The following C4orf36 variants were observed in gnomAD, a reference collection of about 807,000 sequenced individuals.
C4orf36 encodes the protein chromosome 4 open reading frame 36.
Under a neutral mutation model 12.2 loss-of-function variants are expected in C4orf36, and 11 were observed. The observed-to-expected ratio is 0.90, with a 90% CI of 0.57 to 1.49. The LOEUF is 1.49. C4orf36 is among the 40% of genes most tolerant of loss of function. The probability of loss-of-function intolerance (pLI) is 0.00; values close to 1 mark genes in which losing one functional copy is unlikely to be tolerated. For missense variants in C4orf36, 137 were observed against 133.9 expected (o/e 1.02, Z -0.11); for synonymous variants, 54 against 51.3 (o/e 1.05, Z -0.22).
the C4orf36 span, among the ~76,000 whole-genome samples, chr4:86,927,566 G>A: frequency 6.6e-6 from 1 of 152,116 alleles, no homozygotes; most frequent in Non-Finnish European, 1.5e-5. Context: ...AGGCCGAGGC[G>A]GGTGGATCAT....
chr4:86,906,322 A>C, the C4orf36 span, among the ~76,000 whole-genome samples: 4 of 152,208 alleles, frequency 2.6e-5, no homozygotes, highest in Non-Finnish European at 4.4e-5. Flanking sequence ...TACTTCTCAG[A>C]GGAAGCTCTC....
upstream of C4orf36, among the ~76,000 whole-genome samples, chr4:86,894,457 G>A (rs1671282875): frequency 6.6e-6 from 1 of 152,136 alleles, no homozygotes. Context: ...GAAGTTATTT[G>A]AGGTTATATC....
the C4orf36 span, chr4:86,934,445 C>T: frequency 1.3e-5 from 2 of 152,174 alleles, no homozygotes; most frequent in African/African-American, 4.8e-5. Flanking sequence ...ACCTGGTTTC[C>T]CATGCCACTT....
chr4:86,934,861 A>G, the C4orf36 span: 8 of 152,008 alleles, frequency 5.3e-5, no homozygotes, highest in Non-Finnish European at 1.0e-4. Context: ...GAGGGCCGCG[A>G]CGTCCCTTGC....
At chr4:86,893,294 C>G (rs1488295705), upstream of C4orf36, among the ~76,000 whole-genome samples, 1 of 152,128 alleles carries the variant, frequency 6.6e-6, no homozygotes, top group African/African-American at 2.4e-5. Flanking sequence ...GGGCCAGGCA[C>G]GGTGGATGGG....
At chr4:86,893,990 G>A (rs1047343696), upstream of C4orf36, among the ~76,000 whole-genome samples, 22 of 151,392 alleles carry the variant, frequency 1.5e-4, no homozygotes, top group African/African-American at 4.9e-4. Flanking sequence ...TCTGCCTCCC[G>A]GGTTCACGCC....
the C4orf36 span, among the ~76,000 whole-genome samples, chr4:86,910,315 G>A: frequency 2.6e-5 from 4 of 152,130 alleles, no homozygotes; most frequent in Non-Finnish European, 1.5e-5. Context: ...AGGAGGCTGA[G>A]GCAGGAGAAT....
upstream of C4orf36, among the ~76,000 whole-genome samples, chr4:86,894,175 G>A (rs1747540318): frequency 1.3e-5 from 2 of 152,124 alleles, no homozygotes. Flanking sequence ...GGGATTATAG[G>A]CGTGAGCCAC....
the C4orf36 span, among the ~76,000 whole-genome samples, chr4:86,898,974 C>A: frequency 2.6e-5 from 4 of 152,032 alleles, no homozygotes; most frequent in Non-Finnish European, 5.9e-5. Flanking sequence ...ACCTGTAATC[C>A]CAGCACTTTG....
the C4orf36 span, among the ~76,000 whole-genome samples, chr4:86,917,730 A>G: frequency 6.6e-6 from 1 of 152,190 alleles, no homozygotes; most frequent in Non-Finnish European, 1.5e-5. Flanking sequence ...TGATTTTGTC[A>G]CTGTGAACAT....
the C4orf36 span, among the ~76,000 whole-genome samples, chr4:86,932,772 G>C: frequency 1.6e-5 from 2 of 124,424 alleles, no homozygotes; most frequent in African/African-American, 3.0e-5. Flanking sequence ...ATTTGGGGGG[G>C]TGGGGGGGTT....
the C4orf36 span, among the ~76,000 whole-genome samples, chr4:86,910,836 C>T: frequency 5.9e-5 from 9 of 151,838 alleles, no homozygotes; most frequent in Non-Finnish European, 1.2e-4. Context: ...GAGGCCGAGG[C>T]GGGTGGATCA....
At chr4:86,880,427 C>T (rs1383968756) in intron 4 of C4orf36, among the ~76,000 whole-genome samples, 1 of 152,166 alleles carries the variant, frequency 6.6e-6, no homozygotes, top group Non-Finnish European at 1.5e-5. Flanking sequence ...GCACTCCAGC[C>T]TGGGTGACAG....
intron 2 of C4orf36, among the ~76,000 whole-genome samples, chr4:86,888,544 T>C (rs559071919): frequency 1.2e-3 from 183 of 152,236 alleles, no homozygotes; most frequent in African/African-American, 4.2e-3. Context: ...ATTCTTTCCA[T>C]GTAAGAGGAT....
At chr4:86,878,431 T>A (rs1272007742) in intron 4 of C4orf36, among the ~76,000 whole-genome samples, 1 of 152,200 alleles carries the variant, frequency 6.6e-6, no homozygotes, top group Non-Finnish European at 1.5e-5. Context: ...GGTGGCAGAA[T>A]AGGAAGCCTC....
chr4:86,902,810 T>C, the C4orf36 span, among the ~76,000 whole-genome samples: 1 of 152,350 alleles, frequency 6.6e-6, no homozygotes, highest in South Asian at 2.1e-4. Context: ...TAGTTTATTA[T>C]GTTTATTGTT....
At chr4:86,904,246 G>T in the C4orf36 span, among the ~76,000 whole-genome samples, 1 of 152,210 alleles carries the variant, frequency 6.6e-6, no homozygotes. Flanking sequence ...ACCCGCGCCG[G>T]CTAGCGAGCG....
the C4orf36 span, among the ~76,000 whole-genome samples, chr4:86,929,606 T>C: frequency 1.3e-5 from 2 of 152,236 alleles, no homozygotes; most frequent in Non-Finnish European, 1.5e-5. Context: ...TCATGTGGGA[T>C]TGGGAATCTT....
chr4:86,914,776 C>T, the C4orf36 span: 5 of 447,404 alleles, frequency 1.1e-5, no homozygotes, highest in African/African-American at 2.2e-5. Context: ...GTTCCAGGCA[C>T]GATAGGTGAT....
Sources: allele counts gnomAD v4.1 joint callset (sites outside exome capture counted in the v4.1 genomes callset), GRCh38; gene constraint gnomAD v4.1.1; transcripts MANE v1.5; gene names NCBI Gene and HGNC (gene_info 2026-07-23, HGNC 2026-07-21).